Variants in PIGL observed in about 807,000 individuals in gnomAD.
PIGL encodes N-acetylglucosaminyl-phosphatidylinositol de-N-acetylase.
Under a neutral mutation model 31.1 loss-of-function variants are expected in PIGL, and 22 were observed. That is an observed-to-expected ratio of 0.71 (90% CI 0.51 to 1.01). PIGL has a LOEUF of 1.01. Among genes scored for constraint, PIGL ranks in the 50% least tolerant of loss-of-function variants. The pLI is 0.00. For missense variants in PIGL, 302 were observed against 315.9 expected, an observed-to-expected ratio of 0.96 and a Z score of 0.33; for synonymous variants, 131 against 117.4, an observed-to-expected ratio of 1.12 and a Z score of -0.75.
intron 2 of PIGL, among the ~76,000 whole-genome samples, chr17:16,290,432 GC>G (rs2092955671): frequency 6.8e-6 from 1 of 147,512 alleles, no homozygotes; most frequent in Admixed American, 7.0e-5. Flanking sequence ...TCATTCTGCT[GC>G]CCAGGCTGCA....
rs577520743 is a variant in PIGL, at chr17:16,281,964, C to A, written c.336-17924C>A. ...CCCATCCTCAGACATTCTGCTATTG[C>A]CCCCAGACAATGGAAGGGGGGCGAC... On this transcript the variant is annotated intron_variant, in intron 2 of 6. Transcript: ENST00000225609. The A allele has an allele frequency of 4.8e-3, 2,240 of 465,926 alleles. 16 individuals are homozygous for A. The highest frequency in any genetic ancestry group is 0.024 in the Middle Eastern group (55 of 2,262). The allele number at this position is 465,926 out of a possible 1,614,324, so 28.9% of individuals were successfully genotyped here.
chr17:16,251,441 C>T (rs1349212519), intron 2 of PIGL, among the ~76,000 whole-genome samples: 1 of 150,904 alleles, frequency 6.6e-6, no homozygotes, highest in Non-Finnish European at 1.5e-5. Flanking sequence ...AAAAAAAAGA[C>T]CAACGTGGGT....
chr17:16,256,614 T>C (rs1420719457), intron 2 of PIGL, among the ~76,000 whole-genome samples: 1 of 152,090 alleles, frequency 6.6e-6, no homozygotes. Flanking sequence ...CCTCCCAAAG[T>C]GCTAGGATTA....
chr17:16,308,548 C>T (rs1296628431), intron 3 of PIGL, among the ~76,000 whole-genome samples: 1 of 152,048 alleles, frequency 6.6e-6, no homozygotes. Flanking sequence ...GTCCCTGCTC[C>T]CATAGAGCAG....
intron 1 of PIGL, among the ~76,000 whole-genome samples, chr17:16,219,645 G>A (rs1243997142): frequency 5.9e-5 from 9 of 152,126 alleles, no homozygotes; most frequent in Non-Finnish European, 1.2e-4. Flanking sequence ...TCAGTTCACT[G>A]CAACCTACGC....
At chr17:16,296,412 C>A (rs1462626806) in intron 2 of PIGL, among the ~76,000 whole-genome samples, 2 of 151,962 alleles carry the variant, frequency 1.3e-5, no homozygotes, top group Non-Finnish European at 2.9e-5. Flanking sequence ...GAGTTTGAGA[C>A]CAGCCTGGCC....
chr17:16,233,698 C>T (rs565717044), intron 1 of PIGL, among the ~76,000 whole-genome samples: 3 of 152,138 alleles, frequency 2.0e-5, no homozygotes, highest in South Asian at 4.2e-4. Context: ...TACCATGCTG[C>T]CTCTAGCATG....
chr17:16,270,275 G>A (rs2092865259), intron 2 of PIGL, among the ~76,000 whole-genome samples: 1 of 122,290 alleles, frequency 8.2e-6, no homozygotes, highest in African/African-American at 3.1e-5. Context: ...GGTGACAAGA[G>A]CGAAACTCCA....
At chr17:16,301,270 C>CT (rs963376570) in intron 3 of PIGL, among the ~76,000 whole-genome samples, 9 of 147,174 alleles carry the variant, frequency 6.1e-5, no homozygotes, top group East Asian at 2.0e-4. Context: ...TTTCTTTTTT[C>CT]TTTTTTTTTT....
chr17:16,299,925 G>C lies in PIGL; in HGVS notation c.373G>C (p.Glu125Gln). The change falls in exon 3 of 7, where the codon GAG becomes CAG. Residue 125 changes from glutamate to glutamine, a missense_variant. By Grantham distance (29) the Glu-to-Gln change is conservative (BLOSUM62 2). Transcript: ENST00000225609. The part of the protein sequence containing the change: ...PDDPGMQWDT[E>Q]HVARVLLQHI... ...TGACCCAGGCATGCAGTGGGACACA[G>C]AGCACGTGGCCAGAGTCCTCCTTCA... 1.9e-6 allele frequency: 3 copies of C among 1,614,146 alleles called. No individual in the cohort carries two copies. The highest frequency in any genetic ancestry group is 2.5e-6 in the Non-Finnish European group (3 of 1,179,976).
At chr17:16,272,229 CAGAACTTAGAAT>C (rs1391578685) in intron 2 of PIGL, among the ~76,000 whole-genome samples, 1 of 152,144 alleles carries the variant, frequency 6.6e-6, no homozygotes, top group East Asian at 1.9e-4. Flanking sequence ...AATAAATTCC[CAGAACTTAGAAT>C]AGTTAACAGC....
chr17:16,235,613 A>AT (rs937716100), intron 2 of PIGL, among the ~76,000 whole-genome samples: 1 of 150,686 alleles, frequency 6.6e-6, no homozygotes, highest in Non-Finnish European at 1.5e-5. Flanking sequence ...CACCTGGCTA[A>AT]TTTTTTGTAT....
At chr17:16,282,370 T>G (rs1355012679) in intron 2 of PIGL, among the ~76,000 whole-genome samples, 3 of 152,148 alleles carry the variant, frequency 2.0e-5, no homozygotes, top group African/African-American at 4.8e-5. Flanking sequence ...AGGAGAGAGA[T>G]AGCACAATGG....
At chr17:16,267,258 C>T (rs1156917085) in intron 2 of PIGL, among the ~76,000 whole-genome samples, 1 of 151,976 alleles carries the variant, frequency 6.6e-6, no homozygotes, top group Admixed American at 6.6e-5. Flanking sequence ...ATTTACTATT[C>T]ATGAAGTGGA....
intron 3 of PIGL, among the ~76,000 whole-genome samples, chr17:16,308,792 CT>C (rs71150288): frequency 2.1e-4 from 24 of 114,434 alleles, no homozygotes; most frequent in Middle Eastern, 5.6e-3. Flanking sequence ...TGCATCCAGG[CT>C]TTTTTTTTTT....
intron 2 of PIGL, among the ~76,000 whole-genome samples, chr17:16,292,176 A>G (rs1374033137): frequency 6.6e-6 from 1 of 151,222 alleles, no homozygotes; most frequent in Non-Finnish European, 1.5e-5. Flanking sequence ...CTGGGATTAC[A>G]GGCACGCACC....
intron 3 of PIGL, among the ~76,000 whole-genome samples, chr17:16,302,597 T>A (rs1305150632): frequency 6.6e-6 from 1 of 152,062 alleles, no homozygotes; most frequent in African/African-American, 2.4e-5. Context: ...CTTATCTTTT[T>A]TTCTTTTTCT....
chr17:16,247,598 A>T (rs1233065117), intron 2 of PIGL, among the ~76,000 whole-genome samples: 1 of 152,178 alleles, frequency 6.6e-6, no homozygotes, highest in Admixed American at 6.5e-5. Flanking sequence ...CGGCCCTCCA[A>T]GCCCTCTGGA....
At chr17:16,226,335 G>A (rs1194232005) in intron 1 of PIGL, among the ~76,000 whole-genome samples, 3 of 152,158 alleles carry the variant, frequency 2.0e-5, no homozygotes, top group Non-Finnish European at 4.4e-5. Flanking sequence ...CTTTGCTACA[G>A]ATGTCAGCCA....
Sources: allele counts gnomAD v4.1 joint callset (sites outside exome capture counted in the v4.1 genomes callset), GRCh38; gene constraint gnomAD v4.1.1; transcripts MANE v1.5; gene names NCBI Gene and HGNC (gene_info 2026-07-23, HGNC 2026-07-21).